C19orf47: variants seen among roughly 807,000 people sequenced by gnomAD.
C19orf47 encodes the protein chromosome 19 open reading frame 47, also known as uncharacterized protein C19orf47.
C19orf47 carries 18 observed loss-of-function variants against 32.3 expected under a neutral mutation model. The ratio of observed to expected loss-of-function variants is 0.56; its 90% CI spans 0.39 to 0.83. The LOEUF is 0.83. C19orf47 is among the 40% of genes least tolerant of loss of function. The pLI is 0.00. For synonymous variants in C19orf47, 202 were observed against 211.1 expected (o/e 0.96, Z 0.37); for missense variants, 484 against 531.6 (o/e 0.91, Z 0.88).
At chr19:40,344,602 G>A (rs1434888418) in intron 1 of C19orf47, among the ~76,000 whole-genome samples, 2 of 152,118 alleles carry the variant, frequency 1.3e-5, no homozygotes, top group African/African-American at 2.4e-5. Flanking sequence ...CAGGACCAGC[G>A]CCAAGCATCA....
intron 5 of C19orf47, among the ~76,000 whole-genome samples, chr19:40,332,279 C>A (rs1460969557): frequency 6.6e-6 from 1 of 151,966 alleles, no homozygotes; most frequent in African/African-American, 2.4e-5. Context: ...AATCACTTAA[C>A]CTGGGAGGCA....
Position 40,321,252 on chromosome 19 carries a change from G to A in C19orf47, c.*630C>T. 1 of 986,980 alleles carries A rather than the reference G, an allele frequency of 1.0e-6. No homozygotes were observed. The highest frequency in any genetic ancestry group is 1.1e-4 in the East Asian group (1 of 8,804). The allele number at this position is 986,980 out of a possible 1,614,324, so 61.1% of individuals were successfully genotyped here. On this transcript the variant is annotated 3_prime_UTR_variant, in exon 9 of 9. Transcript: ENST00000683109. ...CCCTCCAGCCTGGGAGTAGAGGGCG[G>A]CTAACAGTCTCAACAGGCTCGACGC... is the stretch of plus-strand genomic sequence containing the variant.
In C19orf47 at chr19:40,322,441, G is replaced by A; in HGVS notation, c.664-65C>T. On this transcript the variant is annotated intron_variant, in intron 8 of 8. Coordinates refer to ENST00000683109, the MANE Select transcript of C19orf47 (RefSeq NM_001256441.2). ...ACTCAACACACATTCATGGAGAGCT[G>A]CTTCCTCTGTGCCTGGCCTCCTGGG... The A allele has an allele frequency of 2.7e-6, 4 of 1,480,100 alleles. No individual in the cohort carries two copies. The Admixed American group carries it at 7.0e-5, about 26-fold the overall frequency. The allele number at this position is 1,480,100 out of a possible 1,614,324, so 91.7% of individuals were successfully genotyped here. A position where few individuals can be genotyped will look rare whatever the true frequency, so the allele number is the denominator to read the frequency against.
At chr19:40,331,838 A>T (rs1234900603) in intron 5 of C19orf47, among the ~76,000 whole-genome samples, 1 of 152,092 alleles carries the variant, frequency 6.6e-6, no homozygotes, top group Admixed American at 6.6e-5. Flanking sequence ...GGAGCTCGAG[A>T]CCAGCCTGGC....
At chr19:40,310,703 G>A in the C19orf47 span, among the ~76,000 whole-genome samples, 2 of 152,076 alleles carry the variant, frequency 1.3e-5, no homozygotes, top group Admixed American at 1.3e-4. Context: ...AGTGAAAAAA[G>A]CAAAGTGTAA....
the C19orf47 span, among the ~76,000 whole-genome samples, chr19:40,312,442 G>A: frequency 2.0e-5 from 3 of 152,188 alleles, no homozygotes; most frequent in Non-Finnish European, 4.4e-5. Context: ...CTACTTGGGA[G>A]GCTGAGGCAG....
At chr19:40,348,144 T>A (rs1321312634) in intron 1 of C19orf47, among the ~76,000 whole-genome samples, 180 bp downstream of exon 1, 1 of 152,212 alleles carries the variant, frequency 6.6e-6, no homozygotes, top group Non-Finnish European at 1.5e-5. Flanking sequence ...CTCCCATTTA[T>A]AAAGCCGGTG....
downstream of C19orf47, among the ~76,000 whole-genome samples, chr19:40,316,417 C>A (rs191868923): frequency 2.6e-5 from 4 of 152,334 alleles, no homozygotes; most frequent in Admixed American, 2.0e-4. Flanking sequence ...GCCCTGGGCT[C>A]GCTGCACCAC....
chr19:40,333,778 A>G, intron 5 of C19orf47, 73 bp downstream of exon 5: 4 of 1,212,536 alleles, frequency 3.3e-6, no homozygotes, highest in Admixed American at 3.1e-5. Flanking sequence ...CGGGGATGGG[A>G]TGGCCAGACG....
At chr19:40,333,722 T>G in intron 5 of C19orf47, 129 bp downstream of exon 5, 3 of 672,260 alleles carry the variant, frequency 4.5e-6, no homozygotes, top group South Asian at 2.5e-5. Flanking sequence ...AAAAGAAGAG[T>G]AAGAATTCCT....
At chr19:40,299,460 T>C in the C19orf47 span, 1 of 152,210 alleles carries the variant, frequency 6.6e-6, no homozygotes, top group Non-Finnish European at 1.5e-5. Context: ...TTTTTCCTTT[T>C]TTCTTTTCTT....
the C19orf47 span, among the ~76,000 whole-genome samples, chr19:40,311,729 C>T: frequency 6.6e-6 from 1 of 151,898 alleles, no homozygotes; most frequent in Non-Finnish European, 1.5e-5. Context: ...AATCTCGGCT[C>T]ACTGCAATGT....
the C19orf47 span, among the ~76,000 whole-genome samples, chr19:40,309,980 A>C: frequency 5.3e-5 from 8 of 152,206 alleles, no homozygotes; most frequent in Admixed American, 2.0e-4. Flanking sequence ...GGTTAAAAAT[A>C]GAATTATCAT....
At chr19:40,328,748 C>T (rs1224782145) in intron 5 of C19orf47, among the ~76,000 whole-genome samples, 198 bp from the exon 6 acceptor site, 2 of 152,050 alleles carry the variant, frequency 1.3e-5, no homozygotes, top group African/African-American at 4.8e-5. Context: ...GGAACTAGCC[C>T]ATCCCTCCCT....
the C19orf47 span, among the ~76,000 whole-genome samples, chr19:40,304,945 T>G: frequency 1.3e-5 from 2 of 152,152 alleles, no homozygotes; most frequent in Non-Finnish European, 2.9e-5. Context: ...GTTTACCGAG[T>G]TGGCCAGGCA....
chr19:40,310,162 C>A, the C19orf47 span, among the ~76,000 whole-genome samples: 5 of 151,866 alleles, frequency 3.3e-5, no homozygotes, highest in Non-Finnish European at 5.9e-5. Context: ...TACATCCATA[C>A]AATGGAATAT....
chr19:40,309,486 G>A, the C19orf47 span, among the ~76,000 whole-genome samples: 52 of 152,084 alleles, frequency 3.4e-4, 1 homozygote, highest in South Asian at 0.011. Flanking sequence ...ACCGTGCCTC[G>A]CCTATTTCTC....
chr19:40,307,025 G>A, the C19orf47 span, among the ~76,000 whole-genome samples: 356 of 150,444 alleles, frequency 2.4e-3, no homozygotes, highest in African/African-American at 7.7e-3. Context: ...TCCTGACCTC[G>A]TGATCCGCCC....
At chr19:40,323,189 G>A (rs1403381663) in intron 8 of C19orf47, among the ~76,000 whole-genome samples, 1 of 152,186 alleles carries the variant, frequency 6.6e-6, no homozygotes, top group Admixed American at 6.5e-5. Context: ...GAGCAAGCCC[G>A]AGTTGCTGCA....
Sources: gnomAD v4.1 joint callset for allele counts (sites outside exome capture counted in the v4.1 genomes callset) on GRCh38, gnomAD v4.1.1 for gene constraint, MANE v1.5 for transcripts, NCBI Gene and HGNC (gene_info 2026-07-23, HGNC 2026-07-21) for gene names.